Variants in PRELID2 observed in about 807,000 individuals in gnomAD.
PRELID2 encodes the protein PRELI domain containing 2.
A neutral mutation model predicts 28.4 loss-of-function variants in PRELID2; 25 were observed. The ratio of observed to expected loss-of-function variants is 0.88; its 90% CI spans 0.64 to 1.23. The LOEUF (loss-of-function observed/expected upper bound fraction) is 1.23, where lower values mean the gene tolerates loss of function less well. Ranked by LOEUF, PRELID2 falls within the 50% of genes most tolerant of loss-of-function variation. The probability of loss-of-function intolerance (pLI) is 0.00; values close to 1 mark genes in which losing one functional copy is unlikely to be tolerated. For missense variants in PRELID2, 201 were observed against 214.4 expected, an observed-to-expected ratio of 0.94 and a Z score of 0.39; for synonymous variants, 76 against 71.6, an observed-to-expected ratio of 1.06 and a Z score of -0.31.
At chr5:145,385,057 G>A in the PRELID2 span, among the ~76,000 whole-genome samples, 172 of 152,242 alleles carry the variant, frequency 1.1e-3, 1 homozygote, top group South Asian at 3.3e-3. Flanking sequence ...TTAGAGGGTC[G>A]ATAGGAATGT....
the PRELID2 span, among the ~76,000 whole-genome samples, chr5:145,459,203 C>T: frequency 1.3e-3 from 198 of 152,210 alleles, 3 homozygotes; most frequent in Middle Eastern, 3.4e-3. Context: ...TTCTGATGTC[C>T]CCTGGGAGCT....
At chr5:145,322,841 A>G in the PRELID2 span, among the ~76,000 whole-genome samples, 3 of 152,022 alleles carry the variant, frequency 2.0e-5, no homozygotes, top group Non-Finnish European at 2.9e-5. Flanking sequence ...AGGTCAAGAA[A>G]GTAGAAAGCT....
At chr5:145,797,322 A>C (rs539659940) in intron 4 of PRELID2, among the ~76,000 whole-genome samples, 2 of 152,228 alleles carry the variant, frequency 1.3e-5, no homozygotes, top group East Asian at 3.9e-4. Flanking sequence ...AGCCAAGAAG[A>C]GCCACATCAA....
At chr5:145,607,862 A>G (rs1407846891) in intron 1 of PRELID2, among the ~76,000 whole-genome samples, 2 of 152,096 alleles carry the variant, frequency 1.3e-5, no homozygotes, top group Non-Finnish European at 2.9e-5. Flanking sequence ...CCCCATTATT[A>G]TTGTATGCCT....
intron 4 of PRELID2, among the ~76,000 whole-genome samples, chr5:145,812,780 A>G (rs551207132): frequency 2.9e-4 from 44 of 152,328 alleles, no homozygotes; most frequent in African/African-American, 1.1e-3. Flanking sequence ...AGTGAGAAAC[A>G]GGACATCACC....
At chr5:145,422,804 T>G in the PRELID2 span, among the ~76,000 whole-genome samples, 31 of 152,228 alleles carry the variant, frequency 2.0e-4, no homozygotes, top group African/African-American at 7.5e-4. Context: ...ATTTTGCTCA[T>G]TGGTTGATGC....
chr5:145,803,143 AG>A (rs1753254066), intron 4 of PRELID2, among the ~76,000 whole-genome samples: 2 of 152,156 alleles, frequency 1.3e-5, no homozygotes, highest in South Asian at 4.1e-4. Context: ...CACAGAAATA[AG>A]GGTCCCAAAG....
chr5:145,268,055 A>G, the PRELID2 span, among the ~76,000 whole-genome samples: 2 of 152,094 alleles, frequency 1.3e-5, no homozygotes, highest in South Asian at 2.1e-4. Context: ...TGTCAGATGG[A>G]CAGTTTGAAA....
the PRELID2 span, among the ~76,000 whole-genome samples, chr5:145,273,022 T>G: frequency 9.2e-5 from 14 of 152,002 alleles, no homozygotes; most frequent in African/African-American, 3.4e-4. Flanking sequence ...CAAACCAAAA[T>G]TAGCTCATCG....
At chr5:145,612,434 A>T (rs572906681) in intron 1 of PRELID2, among the ~76,000 whole-genome samples, 41 of 152,302 alleles carry the variant, frequency 2.7e-4, no homozygotes, top group African/African-American at 8.9e-4. Flanking sequence ...CAAATAAGTA[A>T]AAGACAGACA....
the PRELID2 span, among the ~76,000 whole-genome samples, chr5:145,416,981 T>A: frequency 6.6e-6 from 1 of 151,628 alleles, no homozygotes; most frequent in Admixed American, 6.6e-5. Context: ...AAAATTAGTT[T>A]TTTGAAAAAA....
intron 1 of PRELID2, among the ~76,000 whole-genome samples, chr5:145,740,417 G>A (rs1329402162): frequency 1.0e-4 from 14 of 138,102 alleles, no homozygotes; most frequent in African/African-American, 3.4e-4. Context: ...CATTATAGGT[G>A]GTGACTACAA....
At chr5:145,393,862 G>C in the PRELID2 span, among the ~76,000 whole-genome samples, 3 of 152,290 alleles carry the variant, frequency 2.0e-5, no homozygotes, top group East Asian at 5.8e-4. Context: ...GTGAAATTCT[G>C]TGCATTGTGT....
At chr5:145,791,171 A>G (rs1479616157) in intron 5 of PRELID2, among the ~76,000 whole-genome samples, 1 of 152,112 alleles carries the variant, frequency 6.6e-6, no homozygotes, top group Non-Finnish European at 1.5e-5. Context: ...CACGTCTTAC[A>G]TGGTGGCAGG....
chr5:145,556,850 T>C (rs1173276627), intron 1 of PRELID2, among the ~76,000 whole-genome samples: 1 of 152,160 alleles, frequency 6.6e-6, no homozygotes, highest in Non-Finnish European at 1.5e-5. Context: ...AACACTCCTG[T>C]CTCCCTATAT....
the PRELID2 span, among the ~76,000 whole-genome samples, chr5:145,240,050 G>T: frequency 6.6e-6 from 1 of 151,904 alleles, no homozygotes; most frequent in African/African-American, 2.4e-5. Flanking sequence ...TGACAACAAG[G>T]TTGCGTCTTT....
the PRELID2 span, among the ~76,000 whole-genome samples, chr5:145,286,703 T>G: frequency 2.3e-4 from 20 of 86,384 alleles, no homozygotes; most frequent in African/African-American, 7.7e-4. Context: ...GAAGTTTTTG[T>G]TTTTTTTTGT....
chr5:145,350,759 T>C, the PRELID2 span, among the ~76,000 whole-genome samples: 1 of 152,130 alleles, frequency 6.6e-6, no homozygotes, highest in Non-Finnish European at 1.5e-5. Flanking sequence ...CTCCTATATG[T>C]AAGATTCCTG....
the PRELID2 span, among the ~76,000 whole-genome samples, chr5:145,402,910 C>T: frequency 6.6e-6 from 1 of 152,092 alleles, no homozygotes; most frequent in Non-Finnish European, 1.5e-5. Flanking sequence ...CCTTGCTGAG[C>T]CATCCAGATA....
Sources: allele counts gnomAD v4.1 joint callset (sites outside exome capture counted in the v4.1 genomes callset), GRCh38; gene constraint gnomAD v4.1.1; transcripts MANE v1.5; gene names NCBI Gene and HGNC (gene_info 2026-07-23, HGNC 2026-07-21).